ANO4: variants seen among roughly 807,000 people sequenced by gnomAD.
ANO4 encodes the protein anoctamin 4.
In ANO4, 69 loss-of-function variants were observed where a neutral mutation model predicts 141.9. That is an observed-to-expected ratio of 0.49 (90% CI 0.40 to 0.59). The LOEUF (loss-of-function observed/expected upper bound fraction) is 0.59. ANO4 is among the 20% of genes least tolerant of loss of function. The probability of loss-of-function intolerance (pLI) is 0.00; values close to 1 mark genes in which losing one functional copy is unlikely to be tolerated. For missense variants in ANO4, 894 were observed against 1,162.2 expected, an observed-to-expected ratio of 0.77 and a Z score of 3.36; for synonymous variants, 350 against 394.3, an observed-to-expected ratio of 0.89 and a Z score of 1.33.
At chr12:100,732,048 G>T (rs528320877) in intron 1 of ANO4, among the ~76,000 whole-genome samples, 3 of 152,318 alleles carry the variant, frequency 2.0e-5, no homozygotes, top group Admixed American at 2.0e-4. Flanking sequence ...ATAAACATCT[G>T]TATGTAGGTT....
intron 1 of ANO4, among the ~76,000 whole-genome samples, chr12:100,892,807 T>C (rs2040170355): frequency 6.6e-6 from 1 of 152,160 alleles, no homozygotes; most frequent in African/African-American, 2.4e-5. Flanking sequence ...GAATATTTTC[T>C]ATCCGAGGTT....
chr12:100,752,510 G>A (rs887753914), intron 3 of ANO4, among the ~76,000 whole-genome samples: 2 of 152,088 alleles, frequency 1.3e-5, no homozygotes, highest in African/African-American at 2.4e-5. Context: ...CACTGCTTAC[G>A]AAGGAATTGC....
intron 5 of ANO4, among the ~76,000 whole-genome samples, chr12:100,966,826 T>C (rs898381851): frequency 4.6e-4 from 60 of 130,812 alleles, no homozygotes; most frequent in African/African-American, 1.7e-3. Context: ...CATATATATA[T>C]ACACATATAT....
chr12:101,085,367 GA>G (rs1461472323), intron 16 of ANO4, among the ~76,000 whole-genome samples: 1 of 152,044 alleles, frequency 6.6e-6, no homozygotes, highest in Non-Finnish European at 1.5e-5. Flanking sequence ...GCCACAGATG[GA>G]AATTTTTTTT....
chr12:100,962,635 G>A (rs960877054), intron 5 of ANO4, among the ~76,000 whole-genome samples: 1 of 152,172 alleles, frequency 6.6e-6, no homozygotes, highest in African/African-American at 2.4e-5. Context: ...TTTTCCTTGT[G>A]GTTGTAGGTC....
At chr12:100,883,232 C>T (rs949310524) in intron 1 of ANO4, among the ~76,000 whole-genome samples, 6 of 152,316 alleles carry the variant, frequency 3.9e-5, no homozygotes, top group Admixed American at 3.9e-4. Flanking sequence ...CTCCAATTAT[C>T]TGAGCAATGT....
At chr12:100,929,116 G>A (rs2041989758) in intron 3 of ANO4, among the ~76,000 whole-genome samples, 1 of 151,782 alleles carries the variant, frequency 6.6e-6, no homozygotes, top group African/African-American at 2.4e-5. Context: ...CTTTCTTTGT[G>A]TTACAAACAA....
chr12:100,873,478 C>T (rs1028406507), intron 1 of ANO4, among the ~76,000 whole-genome samples: 1 of 152,182 alleles, frequency 6.6e-6, no homozygotes, highest in Non-Finnish European at 1.5e-5. Flanking sequence ...TTGTTATACA[C>T]TAGGAAAGAG....
At chr12:100,854,919 C>G (rs555156949) in intron 1 of ANO4, among the ~76,000 whole-genome samples, 2 of 152,220 alleles carry the variant, frequency 1.3e-5, no homozygotes, top group East Asian at 3.9e-4. Context: ...TTCTCATGGA[C>G]TGGGTGGCAT....
chr12:101,055,984 G>T (rs907161799), intron 14 of ANO4, among the ~76,000 whole-genome samples: 4 of 151,914 alleles, frequency 2.6e-5, no homozygotes, highest in African/African-American at 9.7e-5. Context: ...TATATGTATG[G>T]GTCTGTTTTC....
intron 14 of ANO4, among the ~76,000 whole-genome samples, chr12:101,054,539 C>G (rs541295295): frequency 3.4e-4 from 52 of 152,204 alleles, no homozygotes; most frequent in East Asian, 9.7e-4. Flanking sequence ...TCGCTCTGTC[C>G]CCCAGGCTGG....
At position 100,908,305 on chromosome 12, in the gene ANO4, C is replaced by T. The variant is rs188763533; in HGVS notation, c.55+6465C>T. Reference sequence around the variant, plus strand: ...CGGAGGTTGCGGTGTGCCAAGATTGCGCCGCTGCACTGCAGCCTGGGCAAC... The same window carrying T: ...CGGAGGTTGCGGTGTGCCAAGATTGTGCCGCTGCACTGCAGCCTGGGCAAC... On this transcript the variant is annotated intron_variant, in intron 2 of 27. Transcript: ENST00000392977. 1.5e-3 allele frequency among the ~76,000 whole-genome samples: 231 copies of T among 152,234 alleles called. 2 individuals are homozygous for T. The highest frequency in any genetic ancestry group is 3.3e-3 in the African/African-American group (138 of 41,554).
chr12:100,951,950 T>C (rs764230698), intron 5 of ANO4, among the ~76,000 whole-genome samples: 2 of 152,172 alleles, frequency 1.3e-5, no homozygotes, highest in Non-Finnish European at 2.9e-5. Context: ...CTTCAAGTAA[T>C]GACAACCAAA....
intron 18 of ANO4, among the ~76,000 whole-genome samples, chr12:101,095,931 G>A (rs2049965410): frequency 6.6e-6 from 1 of 152,166 alleles, no homozygotes; most frequent in African/African-American, 2.4e-5. Flanking sequence ...CCTGACTGAG[G>A]TCAGGAAATT....
intron 18 of ANO4, among the ~76,000 whole-genome samples, chr12:101,094,663 A>C (rs1198577893): frequency 6.6e-6 from 1 of 152,204 alleles, no homozygotes. Context: ...TTTTTATGGT[A>C]TATAAACTCA....
intron 8 of ANO4, among the ~76,000 whole-genome samples, chr12:101,003,995 A>G (rs535876963): frequency 1.3e-5 from 2 of 152,162 alleles, no homozygotes; most frequent in East Asian, 3.9e-4. Flanking sequence ...ATTACCAAGC[A>G]GGATAGGTAG....
chr12:100,792,605 A>G (rs1186868639), upstream of ANO4, among the ~76,000 whole-genome samples: 4 of 152,230 alleles, frequency 2.6e-5, no homozygotes, highest in Non-Finnish European at 5.9e-5. Flanking sequence ...GAACTTTAAA[A>G]ATTAATGGCG....
At chr12:100,971,442 T>C (rs1195901852) in intron 6 of ANO4, 36 bp downstream of exon 6, 2 of 1,400,886 alleles carry the variant, frequency 1.4e-6, no homozygotes, top group African/African-American at 2.8e-5. Flanking sequence ...CTCTCTCTGC[T>C]GCTTCACTGT....
chr12:101,116,766 T>C lies in ANO4; in HGVS notation c.2538T>C (p.Ser846=). The C allele has an allele frequency of 6.2e-7, 1 of 1,614,156 alleles. No homozygotes were observed. The change falls in exon 25 of 28, where the codon AGT becomes AGC. Residue 846 remains serine, a synonymous_variant. Transcript: ENST00000392977. The part of the protein sequence containing the change: ...ENRSEPESDG[S]EFSGTPLKYC... ...GATCTGAGCCTGAATCTGATGGCAG[T>C]GAGTTCTCGGGGACTCCTCTTAAGT...
Sources: gnomAD v4.1 joint callset for allele counts (sites outside exome capture counted in the v4.1 genomes callset) on GRCh38, gnomAD v4.1.1 for gene constraint, MANE v1.5 for transcripts, NCBI Gene and HGNC (gene_info 2026-07-23, HGNC 2026-07-21) for gene names.